SULT2B1: variants seen among roughly 807,000 people sequenced by gnomAD.
The protein encoded by SULT2B1 is sulfotransferase 2B1.
SULT2B1 carries 16 observed loss-of-function variants against 33.2 expected under a neutral mutation model. The ratio of observed to expected loss-of-function variants is 0.48; its 90% confidence interval spans 0.33 to 0.73. The LOEUF (loss-of-function observed/expected upper bound fraction) is 0.73. SULT2B1 is among the 30% of genes least tolerant of loss of function. The pLI is 0.02. For missense variants in SULT2B1, 500 were observed against 506.0 expected (o/e 0.99, Z 0.11); for synonymous variants, 186 against 200.5 (o/e 0.93, Z 0.61).
At chr19:48,592,958 C>T in intron 5 of SULT2B1, 142 bp downstream of exon 5, 3 of 709,582 alleles carry the variant, frequency 4.2e-6, no homozygotes, top group East Asian at 2.7e-5. Context: ...AGGAACAGAA[C>T]AGAGGCCCTG....
chr19:48,585,048 C>CAAAAAAAAAAA (rs57540837), intron 2 of SULT2B1, among the ~76,000 whole-genome samples: 15 of 62,226 alleles, frequency 2.4e-4, no homozygotes, highest in African/African-American at 1.1e-3. Context: ...GACTCCTTCT[C>CAAAAAAAAAAA]AAAAAAAAAA....
intron 1 of SULT2B1, among the ~76,000 whole-genome samples, chr19:48,558,308 G>GCT (rs1568402196): frequency 6.6e-6 from 1 of 151,098 alleles, no homozygotes; most frequent in African/African-American, 2.4e-5. Context: ...CGAGATCCGG[G>GCT]AGGGAGACTC....
At chr19:48,580,202 G>T (rs1198751868) in intron 2 of SULT2B1, among the ~76,000 whole-genome samples, 1 of 151,924 alleles carries the variant, frequency 6.6e-6, no homozygotes, top group Non-Finnish European at 1.5e-5. Flanking sequence ...AAAGTGTTAG[G>T]ATTATAGGAG....
chr19:48,557,833 C>T (rs180936326), intron 1 of SULT2B1, among the ~76,000 whole-genome samples: 57 of 148,020 alleles, frequency 3.9e-4, no homozygotes, highest in African/African-American at 1.3e-3. Flanking sequence ...GCAGGAGAAT[C>T]GCTTGAACCC....
chr19:48,581,672 T>A (rs931976092), intron 2 of SULT2B1, among the ~76,000 whole-genome samples: 5 of 149,238 alleles, frequency 3.4e-5, no homozygotes, highest in African/African-American at 4.9e-5. Flanking sequence ...TTAGCCAGGA[T>A]GGTCTCGATC....
intron 1 of SULT2B1, among the ~76,000 whole-genome samples, chr19:48,569,953 A>G (rs2147606380): frequency 6.6e-6 from 1 of 152,148 alleles, no homozygotes; most frequent in East Asian, 1.9e-4. Flanking sequence ...GGCATGAGCC[A>G]CCTCGTCAAG....
chr19:48,596,771 G>C lies in SULT2B1; in HGVS notation c.678G>C (p.Gly226=). ...AGGGCTCCGTGGAGCGCATCTGTGG[G>C]TTCCTGGGCCGTCCGCTGGGCAAGG... The part of the protein sequence containing the change: ...DLQGSVERIC[G]FLGRPLGKEA... Residue 226 remains glycine (G), a synonymous_variant, in exon 6 of 7, where the codon GGG becomes GGC. Transcript: ENST00000201586. 1 of 1,608,030 alleles carries C rather than the reference G, an allele frequency of 6.2e-7. No homozygotes were observed. The highest frequency in any genetic ancestry group is 1.1e-5 in the South Asian group (1 of 90,962).
intron 2 of SULT2B1, among the ~76,000 whole-genome samples, chr19:48,577,286 ACCTCATGAT>A (rs1324233468): frequency 1.4e-5 from 2 of 138,238 alleles, no homozygotes; most frequent in African/African-American, 5.4e-5. Flanking sequence ...TGAACTCCTG[ACCTCATGAT>A]CCACCAGCCT....
chr19:48,555,673 C>T (rs144024741), intron 1 of SULT2B1, among the ~76,000 whole-genome samples: 1 of 151,926 alleles, frequency 6.6e-6, no homozygotes, highest in African/African-American at 2.4e-5. Flanking sequence ...CTTCTGGATT[C>T]AAGTGATTCT....
rs573186099 is a variant in SULT2B1, at chr19:48,579,775, T to G, written c.214+3692T>G. On this transcript the variant is annotated intron_variant, in intron 2 of 6. Transcript: ENST00000201586. ...GCACCTGCCACCACGCCCAGCTAAT[T>G]TTTGTATTTTTAGTAGAGACGGGGT... Among the ~76,000 whole-genome samples, 62 of 150,540 alleles carry G rather than the reference T, an allele frequency of 4.1e-4. 1 individual carries two copies. In the South Asian group the frequency reaches 0.013, roughly 31 times the overall value.
At chr19:48,571,636 C>CAAAA (rs141727418) in intron 1 of SULT2B1, among the ~76,000 whole-genome samples, 1 of 137,102 alleles carries the variant, frequency 7.3e-6, no homozygotes, top group Admixed American at 7.0e-5. Context: ...AGAACAATAA[C>CAAAA]AAAAGAAAAA....
intron 5 of SULT2B1, chr19:48,596,487 C>T (rs1490829051): frequency 7.8e-6 from 3 of 386,176 alleles, no homozygotes; most frequent in East Asian, 1.2e-4. Context: ...GTGACCTCTG[C>T]CCCCTGCTGT....
intron 2 of SULT2B1, among the ~76,000 whole-genome samples, chr19:48,582,583 A>C (rs10420140): frequency 0.23 from 34,304 of 151,944 alleles, 5,023 homozygotes; most frequent in African/African-American, 0.42. Context: ...GGGTGTGGTT[A>C]ACACCTGAAA....
At chr19:48,554,080 TC>T (rs1232257920) in intron 1 of SULT2B1, among the ~76,000 whole-genome samples, 1 of 152,030 alleles carries the variant, frequency 6.6e-6, no homozygotes, top group Non-Finnish European at 1.5e-5. Context: ...AAGCTCGGTT[TC>T]GTCATCGTGG....
chr19:48,592,763 C>G lies in SULT2B1; in HGVS notation c.592C>G (p.Arg198Gly), dbSNP rs544329093. The change falls in exon 5 of 7, where the codon CGG (arginine) becomes GGG (glycine). Residue 198 changes from arginine (R) to glycine (G), a missense_variant. Transcript: ENST00000201586. Reference protein sequence around the residue: ...SWFDHIKGWLRMKGKDNFLFI... With the variant: ...SWFDHIKGWLGMKGKDNFLFI... ...GTTCGACCACATTAAGGGCTGGCTT[C>G]GGATGAAGGGCAAAGACAACTTCCT... 4 of 1,598,100 alleles carry G rather than the reference C, an allele frequency of 2.5e-6. No homozygotes were observed. The South Asian group carries it at 4.5e-5, about 18-fold the overall frequency.
chr19:48,590,443 A>G lies in SULT2B1; in HGVS notation c.424-1166A>G, dbSNP rs557240574. Among the ~76,000 whole-genome samples, 3 of 152,172 alleles carry G rather than the reference A, an allele frequency of 2.0e-5. No homozygotes were observed. The East Asian group carries it at 5.9e-4, about 30-fold the overall frequency. On this transcript the variant is annotated intron_variant, in intron 3 of 6. Transcript: ENST00000201586. ...ATGGTGAAAACCCGTCTCTACTAAA[A>G]ATACAAAAATTAGCCAGGCATGGTG...
intron 1 of SULT2B1, among the ~76,000 whole-genome samples, chr19:48,566,628 G>A (rs1468020074): frequency 2.0e-5 from 3 of 151,864 alleles, no homozygotes; most frequent in Non-Finnish European, 2.9e-5. Context: ...GATTGCTTGA[G>A]CTCGGGAGTT....
chr19:48,575,862 G>A (rs1973397693), intron 1 of SULT2B1, 79 bp from the exon 2 acceptor site: 1 of 1,549,302 alleles, frequency 6.5e-7, no homozygotes, highest in African/African-American at 1.4e-5. Flanking sequence ...CCTTGCCAGG[G>A]TCCGAGTGTC....
chr19:48,563,318 G>A (rs1263787276), intron 1 of SULT2B1, among the ~76,000 whole-genome samples: 1 of 152,150 alleles, frequency 6.6e-6, no homozygotes, highest in Non-Finnish European at 1.5e-5. Context: ...TTGCCCAAGA[G>A]AAATGAGAAC....
Sources: allele counts gnomAD v4.1 joint callset (sites outside exome capture counted in the v4.1 genomes callset), GRCh38; gene constraint gnomAD v4.1.1; transcripts MANE v1.5; gene names NCBI Gene and HGNC (gene_info 2026-07-23, HGNC 2026-07-21).